FMNL2: variants seen among roughly 807,000 people sequenced by gnomAD.
The protein encoded by FMNL2 is formin-like protein 2.
Under a neutral mutation model 130.2 loss-of-function variants are expected in FMNL2, and 51 were observed. That is an observed-to-expected ratio of 0.39 (90% CI 0.31 to 0.49). The LOEUF (loss-of-function observed/expected upper bound fraction) is 0.49. FMNL2 is among the 20% of genes least tolerant of loss of function. The pLI is 0.85. For missense variants in FMNL2, 977 were observed against 1,316.2 expected (o/e 0.74, Z 3.99); for synonymous variants, 465 against 467.1 (o/e 1.00, Z 0.06).
intron 9 of FMNL2, 109 bp downstream of exon 9, chr2:152,581,158 A>G (rs564967260): frequency 4.5e-6 from 4 of 887,772 alleles, no homozygotes; most frequent in African/African-American, 1.7e-5. Context: ...GGAATATAAT[A>G]GTTAATTTCT....
chr2:152,613,114 A>G (rs894433650), intron 11 of FMNL2, among the ~76,000 whole-genome samples: 2 of 152,222 alleles, frequency 1.3e-5, no homozygotes, highest in African/African-American at 4.8e-5. Context: ...GGAGAGGCGT[A>G]ATAGATTTCC....
rs113898028 is a variant in FMNL2 at position 152,356,398 on chromosome 2, A to G, written c.117+20678A>G. On this transcript the variant is annotated intron_variant, in intron 1 of 25. Coordinates refer to ENST00000288670, the MANE Select transcript of FMNL2 (RefSeq NM_052905.4). ...CTCAGCCTCCCAAAGTGCTGGGATT[A>G]CAGGCGTGAGCCACCACACCCAGCC... 9.0e-3 allele frequency among the ~76,000 whole-genome samples: 1,378 copies of G among 152,374 alleles called. 25 individuals carry two copies. Among genetic ancestry groups the G allele is most frequent in the African/African-American group, 0.031 (1,307 of 41,582 alleles).
chr2:152,612,369 A>C (rs1370238825), intron 11 of FMNL2, among the ~76,000 whole-genome samples: 4 of 152,048 alleles, frequency 2.6e-5, no homozygotes, highest in African/African-American at 9.7e-5. Flanking sequence ...AACACCAAAA[A>C]ATTAGCCAGG....
chr2:152,524,521 C>T (rs1307013625), intron 2 of FMNL2, among the ~76,000 whole-genome samples: 1 of 152,050 alleles, frequency 6.6e-6, no homozygotes, highest in Non-Finnish European at 1.5e-5. Context: ...AACAGAGTTC[C>T]CATGAAGACA....
At chr2:152,589,468 CGAG>C (rs991009715) in intron 9 of FMNL2, among the ~76,000 whole-genome samples, 5 of 152,020 alleles carry the variant, frequency 3.3e-5, no homozygotes, top group African/African-American at 1.2e-4. Flanking sequence ...TGGAAGATAA[CGAG>C]GAGAACCCCA....
At chr2:152,535,873 T>C (rs955622254) in intron 2 of FMNL2, among the ~76,000 whole-genome samples, 4 of 152,356 alleles carry the variant, frequency 2.6e-5, no homozygotes, top group African/African-American at 9.6e-5. Flanking sequence ...CTCTCCTATC[T>C]CACCATCCCC....
intron 1 of FMNL2, among the ~76,000 whole-genome samples, chr2:152,385,893 T>C (rs1407490280): frequency 6.6e-6 from 1 of 152,170 alleles, no homozygotes; most frequent in Non-Finnish European, 1.5e-5. Context: ...CTTGAGCAGG[T>C]TGGCTGCCAA....
intron 1 of FMNL2, among the ~76,000 whole-genome samples, chr2:152,460,052 A>G (rs1011936733): frequency 3.0e-4 from 45 of 152,202 alleles, no homozygotes; most frequent in African/African-American, 9.6e-4. Flanking sequence ...TGTTTGAGTC[A>G]ATTTAAGTCA....
At chr2:152,573,183 G>A (rs1696275832) in intron 6 of FMNL2, among the ~76,000 whole-genome samples, 1 of 152,174 alleles carries the variant, frequency 6.6e-6, no homozygotes, top group African/African-American at 2.4e-5. Flanking sequence ...CAAGGTATTG[G>A]CCACTGTGTT....
intron 1 of FMNL2, among the ~76,000 whole-genome samples, chr2:152,360,597 C>G (rs902902640): frequency 6.6e-6 from 1 of 152,140 alleles, no homozygotes; most frequent in Admixed American, 6.5e-5. Flanking sequence ...TAAGATTATT[C>G]TTTGAATAAT....
At chr2:152,622,087 C>A (rs2105904786) in intron 15 of FMNL2, among the ~76,000 whole-genome samples, 1 of 152,282 alleles carries the variant, frequency 6.6e-6, no homozygotes, top group South Asian at 2.1e-4. Flanking sequence ...AGGCTTCCTT[C>A]CTCTCAAGTC....
intron 1 of FMNL2, among the ~76,000 whole-genome samples, chr2:152,442,480 C>T (rs1338919372): frequency 6.6e-6 from 1 of 151,992 alleles, no homozygotes; most frequent in Non-Finnish European, 1.5e-5. Flanking sequence ...AAAGCCTGAC[C>T]TCAGGTAATC....
intron 1 of FMNL2, among the ~76,000 whole-genome samples, chr2:152,412,497 T>TATATAA (rs1686375303): frequency 1.2e-5 from 1 of 82,158 alleles, no homozygotes; most frequent in Non-Finnish European, 2.4e-5. Flanking sequence ...TATATATATA[T>TATATAA]ATATAAATTA....
At chr2:152,458,360 A>G (rs1026963992) in intron 1 of FMNL2, among the ~76,000 whole-genome samples, 1 of 152,202 alleles carries the variant, frequency 6.6e-6, no homozygotes, top group Non-Finnish European at 1.5e-5. Flanking sequence ...AGTCCGGAGC[A>G]ATAACTCTGT....
At chr2:152,605,809 G>A (rs1698329581) in intron 9 of FMNL2, among the ~76,000 whole-genome samples, 1 of 152,182 alleles carries the variant, frequency 6.6e-6, no homozygotes, top group Admixed American at 6.5e-5. Context: ...GAGGCTGAAG[G>A]CTGTTCACTT....
At chr2:152,645,200 C>A (rs1683446346) in intron 25 of FMNL2, among the ~76,000 whole-genome samples, 1 of 152,146 alleles carries the variant, frequency 6.6e-6, no homozygotes, top group African/African-American at 2.4e-5. Context: ...CTATATCTAT[C>A]TTTCTGGAGC....
intron 9 of FMNL2, among the ~76,000 whole-genome samples, chr2:152,589,984 T>C (rs1697319422): frequency 2.6e-5 from 1 of 38,360 alleles, no homozygotes; most frequent in Non-Finnish European, 5.1e-5. Flanking sequence ...TATATATATA[T>C]GTATATGTAT....
At chr2:152,405,008 T>C (rs1017134634) in intron 1 of FMNL2, among the ~76,000 whole-genome samples, 1 of 152,116 alleles carries the variant, frequency 6.6e-6, no homozygotes, top group Non-Finnish European at 1.5e-5. Flanking sequence ...TTAATTCCTG[T>C]CTCCGGAAAG....
At chr2:152,351,368 C>T (rs761316263) in intron 1 of FMNL2, among the ~76,000 whole-genome samples, 19 of 152,150 alleles carry the variant, frequency 1.2e-4, no homozygotes, top group Non-Finnish European at 2.5e-4. Context: ...CCAATCCCAG[C>T]AGGTTCCATT....
Sources: allele counts gnomAD v4.1 joint callset (sites outside exome capture counted in the v4.1 genomes callset), GRCh38; gene constraint gnomAD v4.1.1; transcripts MANE v1.5; gene names NCBI Gene and HGNC (gene_info 2026-07-23, HGNC 2026-07-21).